Variants in RGPD4 observed in about 807,000 individuals in gnomAD.
RGPD4 encodes RANBP2 like and GRIP domain containing 4, also known as ranBP2-like and GRIP domain-containing protein 4.
In RGPD4, 84 loss-of-function variants were observed where a neutral mutation model predicts 141.1. The observed-to-expected ratio is 0.60, with a 90% CI of 0.50 to 0.71. The LOEUF (loss-of-function observed/expected upper bound fraction) is 0.71, where lower values mean the gene tolerates loss of function less well. Among genes scored for constraint, RGPD4 ranks in the 30% least tolerant of loss-of-function variants. RGPD4 has a pLI of 0.00. For missense variants in RGPD4, 918 were observed against 1,622.4 expected (o/e 0.57, Z 7.46); for synonymous variants, 298 against 566.8 (o/e 0.53, Z 6.74).
rs1303929907 is a variant in RGPD4, at chr2:107,892,185, C to T, written c.*1454C>T. On this transcript the variant is annotated 3_prime_UTR_variant, in exon 23 of 23. Coordinates refer to ENST00000408999, the MANE Select transcript of RGPD4 (RefSeq NM_182588.3). ...TCTTTAAAAAATATCTCATATGTCT[C>T]GTCTTTCCTCCTTAGAAGAACAGAC... is the stretch of plus-strand genomic sequence containing the variant. 3.8e-5 allele frequency among the ~76,000 whole-genome samples: 2 copies of T among 52,948 alleles called. 1 individual carries two copies. Among genetic ancestry groups the T allele is most frequent in the Admixed American group, 2.8e-4 (2 of 7,244 alleles). The allele number at this position is 52,948 out of a possible 152,430, so 34.7% of individuals were successfully genotyped here.
At chr2:107,854,225 G>C (rs548631526) in intron 7 of RGPD4, among the ~76,000 whole-genome samples, 11 of 136,490 alleles carry the variant, frequency 8.1e-5, no homozygotes, top group Admixed American at 7.3e-4. Context: ...CTGGCTCTTT[G>C]TTTTTTTTTT....
chr2:107,846,227 G>T (rs1236220822), intron 6 of RGPD4, among the ~76,000 whole-genome samples: 3 of 148,600 alleles, frequency 2.0e-5, no homozygotes, highest in South Asian at 2.1e-4. Context: ...CGCCCGGCTG[G>T]TCTCGATCTC....
At position 107,829,527 on chromosome 2, in the gene RGPD4, T is replaced by G. The variant is rs1159228059; in HGVS notation, c.72+2442T>G. Among the ~76,000 whole-genome samples, 28 of 125,956 alleles carry G rather than the reference T, an allele frequency of 2.2e-4. No homozygotes were observed. In the East Asian group the frequency reaches 4.0e-3, roughly 18 times the overall value. The allele number at this position is 125,956 out of a possible 152,430, so 82.6% of individuals were successfully genotyped here. A position where few individuals can be genotyped will look rare whatever the true frequency, so the allele number is the denominator to read the frequency against. ...GGCGCTGCTCCCTGGCGCGCTCTGT[T>G]GAGGCGGCGGCCTCGACCTGGCCCG... On this transcript the variant is annotated intron_variant, in intron 1 of 22. Coordinates refer to ENST00000408999, the MANE Select transcript of RGPD4 (RefSeq NM_182588.3).
chr2:107,853,447 TTC>T (rs1558800172), intron 7 of RGPD4, among the ~76,000 whole-genome samples: 1 of 144,448 alleles, frequency 6.9e-6, no homozygotes, highest in African/African-American at 2.6e-5. Flanking sequence ...GCTTTTTTTT[TTC>T]CATAGGTTAT....
At chr2:107,858,295 T>C (rs2912691) in intron 9 of RGPD4, among the ~76,000 whole-genome samples, 1 of 151,008 alleles carries the variant, frequency 6.6e-6, no homozygotes, top group East Asian at 1.9e-4. Flanking sequence ...GAGATACCTA[T>C]AAACATAATT....
intron 21 of RGPD4, among the ~76,000 whole-genome samples, chr2:107,881,919 C>T (rs928165968): frequency 2.9e-4 from 44 of 151,870 alleles, no homozygotes; most frequent in East Asian, 2.3e-3. Flanking sequence ...TCACTGTGGA[C>T]GTCTTAACTG....
At chr2:107,884,835 T>C (rs1225522145) in intron 22 of RGPD4, among the ~76,000 whole-genome samples, 13 of 152,184 alleles carry the variant, frequency 8.5e-5, no homozygotes, top group African/African-American at 2.9e-4. Flanking sequence ...TGACCCAAGA[T>C]TCTGCATTTT....
chr2:107,858,687 A>C (rs1452812105), intron 9 of RGPD4, among the ~76,000 whole-genome samples: 2 of 147,030 alleles, frequency 1.4e-5, no homozygotes, highest in African/African-American at 5.1e-5. Context: ...TAACCTTTTC[A>C]ATATTGACTT....
At chr2:107,853,636 A>G (rs1290167370) in intron 7 of RGPD4, among the ~76,000 whole-genome samples, 13 of 95,194 alleles carry the variant, frequency 1.4e-4, no homozygotes, top group African/African-American at 4.8e-4. Context: ...CTGTTGTCCT[A>G]TTTATGCAGG....
rs563686677 is a variant in RGPD4 at position 107,827,019 on chromosome 2, T to C, written c.6T>C (p.Ser2=). 265 of 1,599,240 alleles carry C rather than the reference T, an allele frequency of 1.7e-4. 1 individual carries two copies. The East Asian group carries it at 5.7e-3, about 35-fold the overall frequency. The stretch of plus-strand genomic sequence containing the variant: ...GGAGCCAGGTTGGTGGCGCGATGAG[T>C]TGCAGCAAGGCCTACGGGGAGCGGT... M[S]CSKAYGERYV... is the part of the protein sequence containing the mutation. The change falls in exon 1 of 23, where the codon AGT becomes AGC. Residue 2 remains serine (S), a synonymous_variant. Coordinates refer to ENST00000408999, the MANE Select transcript of RGPD4 (RefSeq NM_182588.3).
At chr2:107,864,592 A>T (rs2104473075) in intron 17 of RGPD4, among the ~76,000 whole-genome samples, 1 of 29,586 alleles carries the variant, frequency 3.4e-5, no homozygotes, top group Middle Eastern at 0.011. Context: ...TGAATGTTAA[A>T]AATTACAGTT....
At chr2:107,870,230 CAGAAAT>C (rs1315817093) in intron 19 of RGPD4, among the ~76,000 whole-genome samples, 3 of 145,168 alleles carry the variant, frequency 2.1e-5, no homozygotes, top group Non-Finnish European at 4.5e-5. Flanking sequence ...TCTGTTTTAA[CAGAAAT>C]AGAACTGTAA....
At chr2:107,881,774 T>G (rs1675373312) in intron 21 of RGPD4, among the ~76,000 whole-genome samples, 2 of 151,736 alleles carry the variant, frequency 1.3e-5, no homozygotes, top group South Asian at 4.2e-4. Flanking sequence ...GGTTTCAACC[T>G]GGAAATCTTC....
intron 6 of RGPD4, among the ~76,000 whole-genome samples, chr2:107,847,952 C>G (rs1682013396): frequency 7.3e-6 from 1 of 136,344 alleles, no homozygotes; most frequent in Admixed American, 7.4e-5. Flanking sequence ...AATGCTATGT[C>G]TAATTTGAGA....
intron 6 of RGPD4, among the ~76,000 whole-genome samples, chr2:107,847,809 T>G (rs1220924101): frequency 2.9e-5 from 2 of 69,064 alleles, no homozygotes; most frequent in Non-Finnish European, 5.2e-5. Flanking sequence ...CAGGCGATAG[T>G]GAGAGACTCC....
chr2:107,883,087 C>T, intron 22 of RGPD4: 1 of 682,258 alleles, frequency 1.5e-6, no homozygotes, highest in East Asian at 2.7e-5. Context: ...CAGCAAAATA[C>T]AATAAGTGCT....
chr2:107,865,650 A>G (rs1366515498), intron 17 of RGPD4, among the ~76,000 whole-genome samples: 1 of 152,174 alleles, frequency 6.6e-6, no homozygotes, highest in Non-Finnish European at 1.5e-5. Context: ...TAGGTGAGAG[A>G]GTTAATGAAT....
At chr2:107,890,637 G>A (rs2104526193) in intron 22 of RGPD4, 84 bp from the exon 23 acceptor site, 2 of 948,838 alleles carry the variant, frequency 2.1e-6, no homozygotes, top group Admixed American at 3.0e-5. Context: ...TGCTTATATT[G>A]TAGAGTGGTT....
At chr2:107,845,900 G>A (rs1436199720) in intron 6 of RGPD4, among the ~76,000 whole-genome samples, 2 of 148,038 alleles carry the variant, frequency 1.4e-5, no homozygotes, top group Non-Finnish European at 3.0e-5. Context: ...AGTAGAAACA[G>A]GGTTTCATCA....
Sources: allele counts gnomAD v4.1 joint callset (sites outside exome capture counted in the v4.1 genomes callset), GRCh38; gene constraint gnomAD v4.1.1; transcripts MANE v1.5; gene names NCBI Gene and HGNC (gene_info 2026-07-23, HGNC 2026-07-21).